Variants in GALNTL6 observed in about 807,000 individuals in gnomAD.
The protein encoded by GALNTL6 is polypeptide N-acetylgalactosaminyltransferase like 6.
Under a neutral mutation model 73.7 loss-of-function variants are expected in GALNTL6, and 46 were observed. The ratio of observed to expected loss-of-function variants is 0.62; its 90% CI spans 0.49 to 0.80. The LOEUF (loss-of-function observed/expected upper bound fraction) is 0.80. Among genes scored for constraint, GALNTL6 ranks in the 30% least tolerant of loss-of-function variants. The pLI, the probability that GALNTL6 is intolerant of heterozygous loss-of-function variation, is 0.00. For missense variants in GALNTL6, 604 were observed against 755.0 expected (o/e 0.80, Z 2.34); for synonymous variants, 259 against 263.7 (o/e 0.98, Z 0.17).
At chr4:172,985,850 A>T (rs936067806) in intron 10 of GALNTL6, among the ~76,000 whole-genome samples, 22 of 152,350 alleles carry the variant, frequency 1.4e-4, no homozygotes, top group Admixed American at 6.5e-4. Context: ...AGTAGTGGTT[A>T]TCTATAGGAG....
intron 2 of GALNTL6, among the ~76,000 whole-genome samples, chr4:172,154,667 G>A (rs951931901): frequency 2.0e-5 from 3 of 152,132 alleles, no homozygotes; most frequent in Admixed American, 6.5e-5. Flanking sequence ...TTCCTCTCAC[G>A]TAGTCAGTAC....
chr4:172,503,388 T>C (rs1734330343), intron 5 of GALNTL6, among the ~76,000 whole-genome samples: 2 of 151,968 alleles, frequency 1.3e-5, no homozygotes. Flanking sequence ...TGAATTTGGC[T>C]CATCCTGACT....
chr4:172,920,373 G>C (rs1266753173), intron 8 of GALNTL6, among the ~76,000 whole-genome samples: 8 of 152,108 alleles, frequency 5.3e-5, no homozygotes, highest in Non-Finnish European at 1.5e-5. Flanking sequence ...TTTAGATGTA[G>C]TTTTATTACA....
chr4:172,466,226 C>A (rs539105095), intron 5 of GALNTL6, among the ~76,000 whole-genome samples: 1 of 151,966 alleles, frequency 6.6e-6, no homozygotes, highest in Non-Finnish European at 1.5e-5. Flanking sequence ...TCCTAAAAAG[C>A]GTTTCTTTTA....
intron 2 of GALNTL6, among the ~76,000 whole-genome samples, chr4:172,191,462 A>G (rs1213420452): frequency 1.3e-5 from 2 of 152,214 alleles, no homozygotes; most frequent in East Asian, 1.9e-4. Flanking sequence ...TGGGTAAAGC[A>G]TTAGACAACT....
intron 2 of GALNTL6, among the ~76,000 whole-genome samples, chr4:171,884,978 AC>A (rs1736566870): frequency 6.6e-6 from 1 of 151,376 alleles, no homozygotes; most frequent in Non-Finnish European, 1.5e-5. Context: ...AATTGCTTGA[AC>A]CCAGGAGGCG....
intron 5 of GALNTL6, among the ~76,000 whole-genome samples, chr4:172,478,249 A>G (rs1225790579): frequency 6.6e-6 from 1 of 152,234 alleles, no homozygotes; most frequent in Non-Finnish European, 1.5e-5. Flanking sequence ...GAGGCATCAC[A>G]TTACCTAACT....
chr4:172,988,196 G>C (rs752961216), intron 10 of GALNTL6, among the ~76,000 whole-genome samples: 1 of 152,192 alleles, frequency 6.6e-6, no homozygotes, highest in Non-Finnish European at 1.5e-5. Flanking sequence ...GGACAATGAA[G>C]TCCAGGCTGA....
intron 5 of GALNTL6, among the ~76,000 whole-genome samples, chr4:172,644,734 G>A (rs74609896): frequency 0.018 from 2,706 of 151,926 alleles, 80 homozygotes; most frequent in African/African-American, 0.062. Context: ...TGGAGCGAAA[G>A]AAACAAAAAG....
intron 5 of GALNTL6, among the ~76,000 whole-genome samples, chr4:172,690,115 T>C (rs964206693): frequency 6.6e-6 from 1 of 152,102 alleles, no homozygotes; most frequent in African/African-American, 2.4e-5. Context: ...AAAATTGTAA[T>C]AAAAATCACA....
chr4:172,546,798 GTATATATACGTA>G lies in GALNTL6; in HGVS notation c.553+198125_553+198136del, dbSNP rs1331171661. 1.9e-4 allele frequency among the ~76,000 whole-genome samples: 3 copies of G among 15,460 alleles called. 1 individual carries two copies. In the East Asian group the frequency reaches 3.0e-3, roughly 16 times the overall value. 10.1% of individuals were successfully genotyped at this position (15,460 alleles called of 152,430 possible). On this transcript the variant is annotated intron_variant, in intron 5 of 12. Coordinates refer to ENST00000506823, the MANE Select transcript of GALNTL6 (RefSeq NM_001034845.3). ...TCAACTCCGCTTTATATATATATAC[GTATATATACGTA>G]TATATATACGTATATGTATAATTGT...
At chr4:172,921,793 CAAAA>C (rs370693087) in intron 8 of GALNTL6, among the ~76,000 whole-genome samples, 2 of 58,578 alleles carry the variant, frequency 3.4e-5, no homozygotes, top group Non-Finnish European at 7.1e-5. Flanking sequence ...GACCTTGTCT[CAAAA>C]AAAAAAAAAA....
intron 2 of GALNTL6, among the ~76,000 whole-genome samples, chr4:172,196,297 T>C (rs918753026): frequency 9.9e-5 from 15 of 152,090 alleles, no homozygotes; most frequent in Non-Finnish European, 1.9e-4. Context: ...AAATTGAGGC[T>C]GTAACAAATA....
chr4:171,979,078 C>A (rs1032292224), intron 2 of GALNTL6, among the ~76,000 whole-genome samples: 9 of 152,100 alleles, frequency 5.9e-5, no homozygotes, highest in Non-Finnish European at 1.3e-4. Context: ...TTGCTTACTT[C>A]ACCTAAATTT....
At chr4:172,232,515 G>T (rs1352875475) in intron 3 of GALNTL6, among the ~76,000 whole-genome samples, 12 of 151,856 alleles carry the variant, frequency 7.9e-5, no homozygotes, top group African/African-American at 2.7e-4. Context: ...CTTGTGCATG[G>T]TTCTGGGGTA....
intron 2 of GALNTL6, among the ~76,000 whole-genome samples, chr4:171,906,102 A>C (rs1737266604): frequency 6.6e-6 from 1 of 152,158 alleles, no homozygotes; most frequent in South Asian, 2.1e-4. Context: ...GCAAGAGCAA[A>C]CACATTCATA....
intron 2 of GALNTL6, among the ~76,000 whole-genome samples, chr4:172,122,067 G>T (rs1733164712): frequency 6.6e-6 from 1 of 150,794 alleles, no homozygotes; most frequent in South Asian, 2.1e-4. Context: ...TAATAGCAAA[G>T]ACATTTCCTT....
chr4:172,118,644 G>A (rs984082271), intron 2 of GALNTL6, among the ~76,000 whole-genome samples: 1 of 151,486 alleles, frequency 6.6e-6, no homozygotes, highest in Non-Finnish European at 1.5e-5. Context: ...AAGTTGCAGT[G>A]AGCCGAGATT....
chr4:172,454,177 T>A (rs1227374384), intron 5 of GALNTL6, among the ~76,000 whole-genome samples: 1 of 152,190 alleles, frequency 6.6e-6, no homozygotes, highest in Admixed American at 6.5e-5. Context: ...AGAAAAAGAT[T>A]TACTGTAGCT....
Sources: allele counts gnomAD v4.1 joint callset (sites outside exome capture counted in the v4.1 genomes callset), GRCh38; gene constraint gnomAD v4.1.1; transcripts MANE v1.5; gene names NCBI Gene and HGNC (gene_info 2026-07-23, HGNC 2026-07-21).